The following KIF26B variants were observed in gnomAD, a reference collection of about 807,000 sequenced individuals.
KIF26B encodes the protein kinesin-like protein KIF26B.
KIF26B carries 63 observed loss-of-function variants against 151.2 expected under a neutral mutation model. That is an observed-to-expected ratio of 0.42 (90% CI 0.34 to 0.51). The LOEUF is 0.51. Among genes scored for constraint, KIF26B ranks in the 20% least tolerant of loss-of-function variants. The pLI is 0.07. For synonymous variants in KIF26B, 1,357 were observed against 1,262.1 expected (o/e 1.08, Z -1.59); for missense variants, 2,813 against 2,913.6 (o/e 0.97, Z 0.79).
At chr1:245,284,517 C>G (rs185341604) in intron 2 of KIF26B, among the ~76,000 whole-genome samples, 9 of 152,218 alleles carry the variant, frequency 5.9e-5, no homozygotes, top group Admixed American at 5.2e-4. Flanking sequence ...AGAACAAAGT[C>G]TGAGAGGGGC....
intron 2 of KIF26B, among the ~76,000 whole-genome samples, chr1:245,253,872 C>T (rs192265220): frequency 2.9e-5 from 4 of 137,042 alleles, no homozygotes; most frequent in Admixed American, 8.2e-5. Flanking sequence ...TGCAGTGGCG[C>T]GATCCCTGCT....
chr1:245,414,098 G>A (rs1674359350), intron 3 of KIF26B, among the ~76,000 whole-genome samples: 1 of 152,242 alleles, frequency 6.6e-6, no homozygotes, highest in Non-Finnish European at 1.5e-5. Context: ...CCAGAGATGG[G>A]GCTGGAGAAG....
At chr1:245,392,181 G>A (rs73126059) in intron 3 of KIF26B, among the ~76,000 whole-genome samples, 2,638 of 152,162 alleles carry the variant, frequency 0.017, 77 homozygotes, top group African/African-American at 0.06. Context: ...ACCGGCCTTC[G>A]GCGTAATTAC....
intron 2 of KIF26B, among the ~76,000 whole-genome samples, chr1:245,290,299 C>G (rs1460880771): frequency 6.6e-6 from 1 of 152,154 alleles, no homozygotes; most frequent in Non-Finnish European, 1.5e-5. Context: ...GATCCAGACT[C>G]CATGAGAGGG....
intron 9 of KIF26B, chr1:245,614,926 TCGGA>T (rs2043571542): frequency 4.9e-5 from 2 of 40,806 alleles, no homozygotes; most frequent in Non-Finnish European, 8.7e-5. Flanking sequence ...ACCTTTAAAA[TCGGA>T]TAGGGATGAG....
intron 3 of KIF26B, among the ~76,000 whole-genome samples, chr1:245,388,510 A>T (rs976288773): frequency 6.6e-6 from 1 of 152,180 alleles, no homozygotes; most frequent in South Asian, 2.1e-4. Context: ...TGCCAAGATA[A>T]TGACTATGTT....
chr1:245,218,216 T>TTCGGGCCC lies in KIF26B; in HGVS notation c.465+61539_465+61546dup. 6.6e-6 allele frequency among the ~76,000 whole-genome samples: 1 copy of TTCGGGCCC among 152,208 alleles called. No individual in the cohort carries two copies. The highest frequency in any genetic ancestry group is 2.4e-5 in the African/African-American group (1 of 41,536). On this transcript the variant is annotated intron_variant, in intron 2 of 14. Coordinates refer to ENST00000407071, the MANE Select transcript of KIF26B (RefSeq NM_018012.4). This position sits in a 1 kb window ranked among gnomAD's most constrained non-coding sequence, Gnocchi z 4.1. Reference sequence around the variant, plus strand: ...CTTTCATGTCACCAGAGCAGTGACATTCGGGCCCTCGGGGGCAGACTGTGC... The same window carrying TTCGGGCCC: ...CTTTCATGTCACCAGAGCAGTGACATTCGGGCCCTCGGGCCCTCGGGGGCAGACTGTGC...
intron 4 of KIF26B, among the ~76,000 whole-genome samples, chr1:245,503,948 C>T (rs1005194693): frequency 2.6e-5 from 4 of 152,178 alleles, no homozygotes; most frequent in African/African-American, 9.7e-5. Context: ...GAAGATTGTT[C>T]TCTCCTGAGT....
At chr1:245,339,518 G>A (rs1672296377) in intron 2 of KIF26B, among the ~76,000 whole-genome samples, 1 of 152,150 alleles carries the variant, frequency 6.6e-6, no homozygotes, top group African/African-American at 2.4e-5. Context: ...TTCTGAGATT[G>A]TAGATTCCTA....
chr1:245,391,655 CAAAA>C (rs11363343), intron 3 of KIF26B, among the ~76,000 whole-genome samples: 7 of 88,544 alleles, frequency 7.9e-5, no homozygotes, highest in Admixed American at 1.2e-4. Flanking sequence ...GACCCTGACT[CAAAA>C]AAAAAAAAAA....
chr1:245,229,310 G>A (rs1432386721), intron 2 of KIF26B, among the ~76,000 whole-genome samples: 1 of 152,058 alleles, frequency 6.6e-6, no homozygotes, highest in Non-Finnish European at 1.5e-5. Context: ...AGGATATATT[G>A]TCAAATTCCC....
intron 2 of KIF26B, among the ~76,000 whole-genome samples, chr1:245,163,636 C>T (rs1420712255): frequency 6.6e-6 from 1 of 152,024 alleles, no homozygotes; most frequent in Non-Finnish European, 1.5e-5. Context: ...TGAATCTTTC[C>T]CAAGAACATG....
At chr1:245,621,884 G>T (rs1237891901) in intron 9 of KIF26B, among the ~76,000 whole-genome samples, 1 of 152,248 alleles carries the variant, frequency 6.6e-6, no homozygotes, top group Non-Finnish European at 1.5e-5. Context: ...CTTACTTTGA[G>T]TCACGCAGGT....
At chr1:245,438,469 G>A (rs530150) in intron 4 of KIF26B, among the ~76,000 whole-genome samples, 117,307 of 152,120 alleles carry the variant, frequency 0.77, 45,421 homozygotes, top group East Asian at 0.95. Flanking sequence ...AGAGAACCTT[G>A]AAAGTGTCAT....
chr1:245,350,106 C>T (rs987525532), intron 2 of KIF26B, among the ~76,000 whole-genome samples: 7 of 151,904 alleles, frequency 4.6e-5, no homozygotes, highest in African/African-American at 1.5e-4. Context: ...ATTCAACCAG[C>T]GGTTCCAAAG....
intron 5 of KIF26B, among the ~76,000 whole-genome samples, chr1:245,586,124 G>A (rs1361056769): frequency 6.6e-6 from 1 of 151,600 alleles, no homozygotes; most frequent in Admixed American, 6.6e-5. Context: ...AGCCTCCCAA[G>A]TAGCTGGCAC....
intron 10 of KIF26B, among the ~76,000 whole-genome samples, chr1:245,664,694 T>C (rs2044194238): frequency 6.6e-6 from 1 of 152,248 alleles, no homozygotes; most frequent in South Asian, 2.1e-4. Context: ...AGGTTAAAAC[T>C]GCTTTATATT....
chr1:245,661,120 G>A (rs536416732), intron 10 of KIF26B, among the ~76,000 whole-genome samples: 1 of 151,854 alleles, frequency 6.6e-6, no homozygotes, highest in East Asian at 1.9e-4. Flanking sequence ...CCGAGTAGCC[G>A]GGATTATTTG....
chr1:245,639,589 T>G (rs1052582865), intron 9 of KIF26B, among the ~76,000 whole-genome samples: 2 of 151,890 alleles, frequency 1.3e-5, no homozygotes, highest in African/African-American at 4.8e-5. Flanking sequence ...ATATTTTTAA[T>G]GTAGGTATTT....
Sources: gnomAD v4.1 joint callset for allele counts (sites outside exome capture counted in the v4.1 genomes callset) on GRCh38, gnomAD v4.1.1 for gene constraint, Gnocchi (gnomAD v3.1) non-coding constraint, MANE v1.5 for transcripts, NCBI Gene and HGNC (gene_info 2026-07-23, HGNC 2026-07-21) for gene names.